Variants in JAM2 observed in about 807,000 individuals in gnomAD.
JAM2 encodes junctional adhesion molecule B.
Under a neutral mutation model 42.0 loss-of-function variants are expected in JAM2, and 17 were observed. That is an observed-to-expected ratio of 0.40 (90% confidence interval 0.28 to 0.61). The LOEUF (loss-of-function observed/expected upper bound fraction) is 0.61, where lower values mean the gene tolerates loss of function less well. Among genes scored for constraint, JAM2 ranks in the 20% least tolerant of loss-of-function variants. The pLI, the probability that JAM2 is intolerant of heterozygous loss-of-function variation, is 0.37. For synonymous variants in JAM2, 118 were observed against 128.6 expected, an observed-to-expected ratio of 0.92 and a Z score of 0.56; for missense variants, 319 against 358.3, an observed-to-expected ratio of 0.89 and a Z score of 0.89.
At chr21:25,678,095 G>A (rs1306265915) in intron 1 of JAM2, among the ~76,000 whole-genome samples, 6 of 152,176 alleles carry the variant, frequency 3.9e-5, no homozygotes, top group East Asian at 3.9e-4. Flanking sequence ...GTGTGGTGAC[G>A]CATGCCTGTA....
chr21:25,687,709 C>CT (rs1311199964), intron 2 of JAM2, among the ~76,000 whole-genome samples: 3 of 152,178 alleles, frequency 2.0e-5, no homozygotes, highest in African/African-American at 7.2e-5. Flanking sequence ...ACCCAAGGGC[C>CT]TAGGCACTGG....
At chr21:25,683,157 C>CT (rs1030716105) in intron 1 of JAM2, among the ~76,000 whole-genome samples, 7 of 158 alleles carry the variant, frequency 0.044, no homozygotes, top group Non-Finnish European at 0.092. Flanking sequence ...CTACCCAGTA[C>CT]TTCCTGTCTC....
chr21:25,706,416 A>C (rs548161641), intron 7 of JAM2, among the ~76,000 whole-genome samples: 1 of 152,130 alleles, frequency 6.6e-6, no homozygotes, highest in African/African-American at 2.4e-5. Context: ...TCCTGGCCTC[A>C]AGTGATCTGC....
intron 1 of JAM2, among the ~76,000 whole-genome samples, chr21:25,680,495 A>G (rs1299976194): frequency 2.6e-5 from 4 of 152,220 alleles, no homozygotes; most frequent in Non-Finnish European, 2.9e-5. Flanking sequence ...GAGTGGCCAC[A>G]TGGAATGTGA....
intron 3 of JAM2, among the ~76,000 whole-genome samples, chr21:25,691,677 A>G (rs947758052): frequency 3.3e-5 from 5 of 152,190 alleles, no homozygotes; most frequent in African/African-American, 1.2e-4. Flanking sequence ...GAAGACATGA[A>G]TATTTTTACA....
intron 4 of JAM2, 139 bp from the exon 5 acceptor site, chr21:25,698,538 T>C (rs2034089647): frequency 1.5e-6 from 1 of 678,204 alleles, no homozygotes. Context: ...GCAGTCTCTA[T>C]CACAGGGTCC....
chr21:25,698,688 G>T lies in JAM2; in HGVS notation c.406G>T (p.Val136Phe). 1 of 1,613,846 alleles carries T rather than the reference G, an allele frequency of 6.2e-7. No homozygotes were observed. Among genetic ancestry groups the T allele is most frequent in the Non-Finnish European group, 8.5e-7 (1 of 1,179,786 alleles). The change falls in exon 5 of 10, where the codon GTT becomes TTT. Residue 136 changes from valine (V) to phenylalanine (F), a missense_variant. Coordinates refer to ENST00000480456, the MANE Select transcript of JAM2 (RefSeq NM_021219.4). ...VTLEVLVAPAVPSCEVPSSAL... is the reference protein window; with the variant it reads ...VTLEVLVAPAFPSCEVPSSAL... Reference sequence around the variant, plus strand: ...CTTCCATTGTTCAGTGGCTCCAGCAGTTCCATCATGTGAAGTACCCTCTTC... The same window carrying T: ...CTTCCATTGTTCAGTGGCTCCAGCATTTCCATCATGTGAAGTACCCTCTTC...
intron 1 of JAM2, among the ~76,000 whole-genome samples, chr21:25,657,354 T>G (rs1201562654): frequency 6.6e-6 from 1 of 152,208 alleles, no homozygotes; most frequent in Admixed American, 6.5e-5. Context: ...AGTCACATCT[T>G]CTCTTACAAG....
intron 9 of JAM2, among the ~76,000 whole-genome samples, chr21:25,713,891 T>C (rs2034430772): frequency 6.6e-6 from 1 of 152,238 alleles, no homozygotes; most frequent in African/African-American, 2.4e-5. Context: ...ATTTTTTCTT[T>C]GCCTTCCTCT....
At chr21:25,646,423 A>G (rs2032613657) in intron 1 of JAM2, among the ~76,000 whole-genome samples, 1 of 152,128 alleles carries the variant, frequency 6.6e-6, no homozygotes, top group Non-Finnish European at 1.5e-5. Context: ...TCCCACACGT[A>G]AGTTTATTTT....
chr21:25,685,003 A>C (rs956893372), intron 2 of JAM2, among the ~76,000 whole-genome samples: 1 of 152,206 alleles, frequency 6.6e-6, no homozygotes, highest in Non-Finnish European at 1.5e-5. Context: ...TATTTCTTAA[A>C]TTTAATACTT....
chr21:25,693,853 C>G lies in JAM2; in HGVS notation c.339C>G (p.Ala113=), dbSNP rs757243596. The change falls in exon 4 of 10, where the codon GCC becomes GCG. Residue 113 remains alanine, a synonymous_variant. Coordinates refer to ENST00000480456, the MANE Select transcript of JAM2 (RefSeq NM_021219.4). ...GGAAATATCGTTGTGAAGTTAGTGC[C>G]CCATCTGAGCAAGGCCAAAACCTGG... ...DAGKYRCEVS[A]PSEQGQNLEE... is the part of the protein sequence containing the mutation. 6.2e-7 allele frequency: 1 copy of G among 1,614,034 alleles called. No homozygotes were observed. Among genetic ancestry groups the G allele is most frequent in the Non-Finnish European group, 8.5e-7 (1 of 1,179,966 alleles).
At chr21:25,666,375 A>AG (rs1169235196) in intron 1 of JAM2, among the ~76,000 whole-genome samples, 1 of 145,908 alleles carries the variant, frequency 6.9e-6, no homozygotes, top group Non-Finnish European at 1.5e-5. Context: ...CCCATGCTGG[A>AG]GTGCAATGGC....
intron 1 of JAM2, chr21:25,644,124 G>A (rs764988978): frequency 6.6e-6 from 1 of 152,186 alleles, no homozygotes; most frequent in Non-Finnish European, 1.5e-5. Flanking sequence ...TCAGAACCTG[G>A]GTCAGGTGCC....
intron 5 of JAM2, among the ~76,000 whole-genome samples, chr21:25,701,658 A>G (rs1230667555): frequency 6.6e-6 from 1 of 152,230 alleles, no homozygotes; most frequent in Non-Finnish European, 1.5e-5. Flanking sequence ...ACAATCCTAT[A>G]AACCGATACC....
chr21:25,639,660 G>A lies in JAM2; in HGVS notation c.-162G>A. On this transcript the variant is annotated 5_prime_UTR_variant, in exon 1 of 10. Coordinates refer to ENST00000480456, the MANE Select transcript of JAM2 (RefSeq NM_021219.4). ...CAGCCAGCTGAGAAGGCGCCCCGGG[G>A]AGGGGGAAACTGACATCCCATCTAG... 5.6e-6 allele frequency: 3 copies of A among 536,966 alleles called. No individual in the cohort carries two copies. The highest frequency in any genetic ancestry group is 9.8e-6 in the Non-Finnish European group (3 of 304,618). 33.3% of individuals were successfully genotyped at this position (536,966 alleles called of 1,614,324 possible).
chr21:25,669,044 C>T (rs1264667401), intron 1 of JAM2, among the ~76,000 whole-genome samples: 2 of 152,046 alleles, frequency 1.3e-5, no homozygotes, highest in Non-Finnish European at 2.9e-5. Context: ...AAACCCAGGG[C>T]TTTTCCACTG....
intron 1 of JAM2, among the ~76,000 whole-genome samples, chr21:25,674,857 T>G (rs562379181): frequency 6.6e-6 from 1 of 152,048 alleles, no homozygotes; most frequent in South Asian, 2.1e-4. Context: ...TTGGGTTACT[T>G]TCTATTAATA....
Position 25,717,474 on chromosome 21 carries a change from C to T in JAM2, c.*2802C>T. 4 of 618,982 alleles carry T rather than the reference C, an allele frequency of 6.5e-6. No individual in the cohort carries two copies. The highest frequency in any genetic ancestry group is 3.0e-4 in the Middle Eastern group (1 of 3,308). The allele number at this position is 618,982 out of a possible 1,614,324, so 38.3% of individuals were successfully genotyped here. ...TTGGAGGTTTGACCTAAGTCTGGACCAATTGATTGCTTTTCAATACAACTT... is the reference window on the plus strand; with the variant it reads ...TTGGAGGTTTGACCTAAGTCTGGACTAATTGATTGCTTTTCAATACAACTT... On this transcript the variant is annotated 3_prime_UTR_variant, in exon 10 of 10. Coordinates refer to ENST00000480456, the MANE Select transcript of JAM2 (RefSeq NM_021219.4).
Sources: gnomAD v4.1 joint callset for allele counts (sites outside exome capture counted in the v4.1 genomes callset) on GRCh38, gnomAD v4.1.1 for gene constraint, MANE v1.5 for transcripts, NCBI Gene and HGNC (gene_info 2026-07-23, HGNC 2026-07-21) for gene names.